SAGE1: variants seen among roughly 807,000 people sequenced by gnomAD.
SAGE1 encodes the protein sarcoma antigen 1.
Under a neutral mutation model 55.4 loss-of-function variants are expected in SAGE1, and 55 were observed. The observed-to-expected ratio is 0.99, with a 90% CI of 0.80 to 1.24. The LOEUF (loss-of-function observed/expected upper bound fraction) is 1.24, where lower values mean the gene tolerates loss of function less well. SAGE1 is among the 50% of genes most tolerant of loss of function. The pLI is 0.00. For missense variants in SAGE1, 710 were observed against 704.4 expected (o/e 1.01, Z -0.09); for synonymous variants, 240 against 244.3 (o/e 0.98, Z 0.17).
intron 19 of SAGE1, 174 bp downstream of exon 19, chrX:135,912,588 C>A: frequency 2.7e-6 from 2 of 753,659 alleles, no homozygotes; most frequent in Non-Finnish European, 3.1e-6. Flanking sequence ...TCTTCCAATA[C>A]CATGGAGGCT....
intron 9 of SAGE1, 107 bp from the exon 10 acceptor site, chrX:135,907,594 C>A (rs2088819215): frequency 2.0e-6 from 2 of 1,016,327 alleles, no homozygotes; most frequent in African/African-American, 3.8e-5. Context: ...GCTGTATCCT[C>A]CTGCTTTATG....
chrX:135,906,970 G>T lies in SAGE1; in HGVS notation c.781G>T (p.Gly261Cys). 3 of 1,209,650 alleles carry T rather than the reference G, an allele frequency of 2.5e-6. No individual in the cohort carries two copies. The highest frequency in any genetic ancestry group is 3.4e-6 in the Non-Finnish European group (3 of 894,072). Reference sequence around the variant, plus strand: ...TGTCCCTGAGGAGAAGATGGAAAAGGGCCAACCCCAACCTGATAACATCTT... The same window carrying T: ...TGTCCCTGAGGAGAAGATGGAAAAGTGCCAACCCCAACCTGATAACATCTT... ...YNVPEEKMEK[G>C]QPQPDNILST... is the part of the protein sequence containing the mutation. The change falls in exon 8 of 20, where the codon GGC (glycine) becomes TGC (cysteine). Residue 261 changes from glycine to cysteine, a missense_variant. Transcript: ENST00000370709.
intron 10 of SAGE1, 97 bp downstream of exon 10, chrX:135,907,938 T>C: frequency 9.3e-7 from 1 of 1,076,796 alleles, no homozygotes; most frequent in Non-Finnish European, 1.3e-6. Context: ...TTATGTTTTC[T>C]GGCCTCAATT....
chrX:135,909,626 A>C lies in SAGE1; in HGVS notation c.1583-13A>C. ...ACTTACGTCACAAGTCAACCTCTTT[A>C]TTTGGTTTCCAGATGCTACCGTCAC... On this transcript the variant is annotated splice_polypyrimidine_tract_variant and intron_variant, in intron 13 of 19. Coordinates refer to ENST00000370709, the MANE Select transcript of SAGE1 (RefSeq NM_001381902.1). 8.4e-7 allele frequency: 1 copy of C among 1,190,012 alleles called. No individual in the cohort carries two copies. The highest frequency in any genetic ancestry group is 1.1e-6 in the Non-Finnish European group (1 of 884,403).
At position 135,910,515 on chromosome X, in the gene SAGE1, G is replaced by A; in HGVS notation, c.1965G>A (p.Met655Ile). 5.8e-6 allele frequency: 7 copies of A among 1,210,481 alleles called. No homozygotes were observed. The highest frequency in any genetic ancestry group is 7.8e-6 in the Non-Finnish European group (7 of 894,395). ...LSTAPPWLRH[M>I]AAAGISSTIT... ...CTGCTCCTCCATGGCTTCGTCATAT[G>A]GCAGCAGCTGGAATTTCATCCACGA... Residue 655 changes from methionine to isoleucine, a missense_variant, in exon 16 of 20, where the codon ATG becomes ATA. Met to Ile is a conservative substitution (Grantham distance 10). Transcript: ENST00000370709.
rs376547195 is a variant in SAGE1 at position 135,910,364 on chromosome X, C to A, written c.1865-51C>A. 4.1e-5 allele frequency: 48 copies of A among 1,175,842 alleles called. No individual in the cohort carries two copies. The African/African-American group carries it at 8.0e-4, about 20-fold the overall frequency. On this transcript the variant is annotated intron_variant, in intron 15 of 19. Transcript: ENST00000370709. ...TGAGCATCAGAGGGGTATGCCTGTG[C>A]GGTTGACATAATGCACTTACCTCAC...
intron 19 of SAGE1, 75 bp from the exon 20 acceptor site, chrX:135,912,704 AGATGGTAAATTCTATTTTG>A (rs1411334077): frequency 8.8e-7 from 1 of 1,133,153 alleles, no homozygotes; most frequent in Non-Finnish European, 1.2e-6. Flanking sequence ...GTTTGCATGT[AGATGGTAAATTCTATTTTG>A]TATCCACTCT....
At chrX:135,896,621 C>T (rs782308399) in intron 2 of SAGE1, among the ~76,000 whole-genome samples, 43 of 105,003 alleles carry the variant, frequency 4.1e-4, no homozygotes, top group African/African-American at 1.3e-3. Context: ...TGCAATGGCA[C>T]GATCTCAGCT....
At chrX:135,906,345 G>A in intron 6 of SAGE1, 66 bp from the exon 7 acceptor site, 3 of 1,145,943 alleles carry the variant, frequency 2.6e-6, no homozygotes, top group Non-Finnish European at 3.5e-6. Context: ...GAGCACCAGA[G>A]GGATATACTT....
chrX:135,910,026 C>G lies in SAGE1; in HGVS notation c.1724-4C>G, dbSNP rs944489626. The G allele has an allele frequency of 8.3e-7, 1 of 1,205,339 alleles. No homozygotes were observed. The highest frequency in any genetic ancestry group is 1.8e-5 in the African/African-American group (1 of 56,834). On this transcript the variant is annotated splice_polypyrimidine_tract_variant and splice_region_variant and intron_variant, in intron 14 of 19. Transcript: ENST00000370709. Reference sequence around the variant, plus strand: ...AAAACTTAACCTCTTTATTTCTGTTCCAGATGCTACCGTCACTCACAATGT... The same window carrying G: ...AAAACTTAACCTCTTTATTTCTGTTGCAGATGCTACCGTCACTCACAATGT...
rs1228042914 is a variant in SAGE1 at position 135,911,253 on chromosome X, T to C, written c.2067T>C (p.Asp689=). The change falls in exon 17 of 20, where the codon GAT becomes GAC. Residue 689 remains aspartate (D), a synonymous_variant. Transcript: ENST00000370709. ...TGACAAATGGCCAACAGGCACCTGATAACTCCTTGTCAACGGTTCCACCTG... is the reference window on the plus strand; with the variant it reads ...TGACAAATGGCCAACAGGCACCTGACAACTCCTTGTCAACGGTTCCACCTG... The part of the protein sequence containing the change: ...EKMTNGQQAP[D]NSLSTVPPGC... 2 of 1,207,348 alleles carry C rather than the reference T, an allele frequency of 1.7e-6. No individual in the cohort carries two copies. The highest frequency in any genetic ancestry group is 3.0e-5 in the East Asian group (1 of 33,730).
chrX:135,910,767 A>G (rs1319901268), intron 16 of SAGE1, among the ~76,000 whole-genome samples: 1 of 111,576 alleles, frequency 9.0e-6, no homozygotes, highest in Non-Finnish European at 1.9e-5. Flanking sequence ...GACATAATGC[A>G]CTTACCTCAC....
chrX:135,912,144 T>C (rs1265561100), intron 18 of SAGE1, 177 bp from the exon 19 acceptor site: 4 of 750,523 alleles, frequency 5.3e-6, no homozygotes, highest in Non-Finnish European at 6.3e-6. Flanking sequence ...TTTCCTTTGT[T>C]AGTGTTCACA....
intron 2 of SAGE1, among the ~76,000 whole-genome samples, chrX:135,900,739 T>C (rs2088661019): frequency 1.1e-5 from 1 of 89,325 alleles, no homozygotes. Flanking sequence ...CATATCGGAA[T>C]CTCCATAAGG....
intron 3 of SAGE1, among the ~76,000 whole-genome samples, chrX:135,902,633 G>C (rs1377083551): frequency 8.0e-5 from 9 of 112,138 alleles, no homozygotes; most frequent in Non-Finnish European, 1.7e-4. Context: ...TTCAGGAAGA[G>C]TTGGCAGCAC....
chrX:135,898,142 C>T (rs868949356), intron 2 of SAGE1, among the ~76,000 whole-genome samples: 2 of 111,643 alleles, frequency 1.8e-5, no homozygotes, highest in South Asian at 7.7e-4. Context: ...CTCAGCCTCC[C>T]GAGTAGCTGG....
At chrX:135,904,597 C>A in intron 4 of SAGE1, 28 bp downstream of exon 4, 3 of 959,786 alleles carry the variant, frequency 3.1e-6, no homozygotes, top group Non-Finnish European at 4.4e-6. Context: ...GGAATTTCAT[C>A]CATGAGTATG....
In SAGE1 at chrX:135,909,716, G is replaced by C. The variant is rs782200701; in HGVS notation, c.1660G>C (p.Val554Leu). 1 of 1,203,591 alleles carries C rather than the reference G, an allele frequency of 8.3e-7. No individual in the cohort carries two copies. Residue 554 changes from valine to leucine, a missense_variant, in exon 14 of 20, where the codon GTT becomes CTT. By Grantham distance (32) the Val-to-Leu change is conservative. Coordinates refer to ENST00000370709, the MANE Select transcript of SAGE1 (RefSeq NM_001381902.1). ...QPQPSYDLST[V>L]LPGLTYLTVA... is the part of the protein sequence containing the mutation. ...ACAACCTAGTTATGACTTGTCAACT[G>C]TTCTACCAGGACTTACTTATTTGAC...
chrX:135,896,979 A>G (rs1244299239), intron 2 of SAGE1, among the ~76,000 whole-genome samples: 3 of 111,962 alleles, frequency 2.7e-5, no homozygotes, highest in African/African-American at 6.5e-5. Flanking sequence ...CCCATGTGAC[A>G]CAAGATAGGA....
Sources: allele counts gnomAD v4.1 joint callset (sites outside exome capture counted in the v4.1 genomes callset), GRCh38; gene constraint gnomAD v4.1.1; transcripts MANE v1.5; gene names NCBI Gene and HGNC (gene_info 2026-07-23, HGNC 2026-07-21).